Variants in VEGFC observed in about 807,000 individuals in gnomAD.
VEGFC encodes vascular endothelial growth factor C.
In VEGFC, 12 loss-of-function variants were observed where a neutral mutation model predicts 46.1. The ratio of observed to expected loss-of-function variants is 0.26; its 90% CI spans 0.17 to 0.42. The LOEUF is 0.42. Ranked by LOEUF, VEGFC falls within the 10% of genes least tolerant of loss-of-function variation. The probability of loss-of-function intolerance (pLI) is 1.00; values close to 1 mark genes in which losing one functional copy is unlikely to be tolerated. For missense variants in VEGFC, 488 were observed against 529.4 expected, an observed-to-expected ratio of 0.92 and a Z score of 0.77; for synonymous variants, 232 against 195.5, an observed-to-expected ratio of 1.19 and a Z score of -1.56.
intron 6 of VEGFC, among the ~76,000 whole-genome samples, chr4:176,684,815 T>C (rs1734009606): frequency 6.6e-6 from 1 of 152,166 alleles, no homozygotes; most frequent in African/African-American, 2.4e-5. Flanking sequence ...AACCTCCGCC[T>C]CCTGGGCTCA....
intron 1 of VEGFC, among the ~76,000 whole-genome samples, chr4:176,772,812 AAG>A (rs1489656085): frequency 6.6e-6 from 1 of 152,160 alleles, no homozygotes; most frequent in Non-Finnish European, 1.5e-5. Context: ...AAGACACAGT[AAG>A]AAGGCCCTCA....
At chr4:176,689,518 TCTCTTCATTC>T (rs1734109728) in intron 4 of VEGFC, 1 of 152,092 alleles carries the variant, frequency 6.6e-6, no homozygotes, top group South Asian at 2.1e-4. Flanking sequence ...ATGGGGAAGG[TCTCTTCATTC>T]CTCTTCATAT....
intron 1 of VEGFC, among the ~76,000 whole-genome samples, chr4:176,738,666 CA>C (rs1306283104): frequency 3.3e-5 from 5 of 151,958 alleles, no homozygotes; most frequent in Non-Finnish European, 7.4e-5. Flanking sequence ...ACGAAGACGC[CA>C]AAAGCGATTG....
intron 6 of VEGFC, among the ~76,000 whole-genome samples, chr4:176,685,070 G>A (rs994554455): frequency 2.6e-5 from 4 of 152,186 alleles, no homozygotes; most frequent in Non-Finnish European, 2.9e-5. Flanking sequence ...GTATGAGCAT[G>A]CCTAATGTGT....
chr4:176,697,395 C>T (rs1185238746), intron 4 of VEGFC, among the ~76,000 whole-genome samples: 3 of 152,228 alleles, frequency 2.0e-5, no homozygotes, highest in Non-Finnish European at 4.4e-5. Flanking sequence ...TGCTCACCAT[C>T]ACTGGTCATC....
At chr4:176,701,221 T>C (rs964072571) in intron 4 of VEGFC, among the ~76,000 whole-genome samples, 2 of 152,218 alleles carry the variant, frequency 1.3e-5, no homozygotes, top group Admixed American at 6.5e-5. Context: ...AAACTCTCTA[T>C]ACTTTCTGCT....
chr4:176,737,467 A>G (rs1018874121), intron 1 of VEGFC, among the ~76,000 whole-genome samples: 2 of 150,442 alleles, frequency 1.3e-5, no homozygotes, highest in African/African-American at 2.4e-5. Context: ...TCCAGAATTT[A>G]TTCAATGTTT....
chr4:176,753,002 A>C (rs554829411), intron 1 of VEGFC, among the ~76,000 whole-genome samples: 318 of 152,212 alleles, frequency 2.1e-3, no homozygotes, highest in Non-Finnish European at 3.5e-3. Context: ...GCATGGAAAC[A>C]GGTGCACAAC....
intron 1 of VEGFC, among the ~76,000 whole-genome samples, chr4:176,779,866 G>A (rs749862641): frequency 3.3e-5 from 5 of 152,160 alleles, no homozygotes; most frequent in Admixed American, 6.5e-5. Context: ...AACAATGTGC[G>A]AATGTACCAC....
chr4:176,780,386 A>AAAAAAAAAAAAAC (rs1553997813), intron 1 of VEGFC, among the ~76,000 whole-genome samples: 21 of 144,382 alleles, frequency 1.5e-4, no homozygotes, highest in African/African-American at 5.3e-4. Flanking sequence ...CATCTCAAAA[A>AAAAAAAAAAAAAC]AAAAAAAAAA....
intron 1 of VEGFC, among the ~76,000 whole-genome samples, chr4:176,741,384 A>T (rs11131753): frequency 0.075 from 11,447 of 151,988 alleles, 906 homozygotes; most frequent in African/African-American, 0.19. Flanking sequence ...GGAACATTCC[A>T]CAGGCACATT....
At chr4:176,709,918 G>A (rs1734592414) in intron 4 of VEGFC, among the ~76,000 whole-genome samples, 1 of 152,122 alleles carries the variant, frequency 6.6e-6, no homozygotes, top group Non-Finnish European at 1.5e-5. Flanking sequence ...GGCAGTGATG[G>A]AAATGAAATA....
At chr4:176,742,556 A>T (rs1220837576) in intron 1 of VEGFC, among the ~76,000 whole-genome samples, 1 of 151,974 alleles carries the variant, frequency 6.6e-6, no homozygotes, top group Non-Finnish European at 1.5e-5. Flanking sequence ...ATTCTCACTA[A>T]AACTGTGTAA....
chr4:176,694,575 CAG>C (rs1734272691), intron 4 of VEGFC, among the ~76,000 whole-genome samples: 1 of 151,926 alleles, frequency 6.6e-6, no homozygotes, highest in South Asian at 2.1e-4. Flanking sequence ...ATCAACGAGA[CAG>C]AAAGTCAACA....
chr4:176,743,155 G>A (rs940682053), intron 1 of VEGFC, among the ~76,000 whole-genome samples: 1 of 152,008 alleles, frequency 6.6e-6, no homozygotes, highest in African/African-American at 2.4e-5. Context: ...CACCTGTATT[G>A]AGCAGTGCTG....
intron 1 of VEGFC, among the ~76,000 whole-genome samples, chr4:176,765,102 G>A (rs1735596270): frequency 6.6e-6 from 1 of 152,064 alleles, no homozygotes; most frequent in South Asian, 2.1e-4. Flanking sequence ...AAACAGAAAG[G>A]AAGATGAAGA....
At chr4:176,688,455 C>T (rs2333496) in intron 4 of VEGFC, among the ~76,000 whole-genome samples, 82,404 of 152,026 alleles carry the variant, frequency 0.54, 26,614 homozygotes, top group South Asian at 0.73. Flanking sequence ...TGTATCTTTA[C>T]TGACTTATTT....
intron 1 of VEGFC, among the ~76,000 whole-genome samples, chr4:176,735,542 T>C (rs1176346196): frequency 1.3e-5 from 2 of 151,926 alleles, no homozygotes; most frequent in Non-Finnish European, 2.9e-5. Context: ...CACTGGATGT[T>C]TTGGACAGAG....
chr4:176,720,575 A>T (rs1579104929), intron 3 of VEGFC, among the ~76,000 whole-genome samples: 2 of 152,172 alleles, frequency 1.3e-5, no homozygotes, highest in Admixed American at 1.3e-4. Flanking sequence ...GCAGTGGCTC[A>T]CACCTGTAAT....
Sources: gnomAD v4.1 joint callset for allele counts (sites outside exome capture counted in the v4.1 genomes callset) on GRCh38, gnomAD v4.1.1 for gene constraint, MANE v1.5 for transcripts, NCBI Gene and HGNC (gene_info 2026-07-23, HGNC 2026-07-21) for gene names.